LPP: variants seen among roughly 807,000 people sequenced by gnomAD.
LPP encodes LIM domain containing preferred translocation partner in lipoma, also known as lipoma-preferred partner.
In LPP, 38 loss-of-function variants were observed where a neutral mutation model predicts 60.4. That is an observed-to-expected ratio of 0.63 (90% CI 0.49 to 0.83). The LOEUF is 0.83. LPP is among the 40% of genes least tolerant of loss of function. The probability of loss-of-function intolerance (pLI) is 0.00; values close to 1 mark genes in which losing one functional copy is unlikely to be tolerated. For missense variants in LPP, 902 were observed against 783.6 expected (o/e 1.15, Z -1.80); for synonymous variants, 328 against 290.8 (o/e 1.13, Z -1.30).
intron 1 of LPP, among the ~76,000 whole-genome samples, chr3:188,161,343 G>A (rs759552368): frequency 2.6e-5 from 4 of 152,144 alleles, no homozygotes; most frequent in African/African-American, 4.8e-5. Flanking sequence ...AGCAGCGTAC[G>A]GAGGGAAAAA....
At chr3:188,580,242 TAA>T (rs796671194) in intron 6 of LPP, among the ~76,000 whole-genome samples, 4 of 146,576 alleles carry the variant, frequency 2.7e-5, no homozygotes, top group African/African-American at 9.9e-5. Flanking sequence ...GTTTCTCAAT[TAA>T]AAAAAAAAAC....
chr3:188,723,978 TA>T (rs1560116941), intron 8 of LPP, among the ~76,000 whole-genome samples: 1 of 152,190 alleles, frequency 6.6e-6, no homozygotes, highest in Non-Finnish European at 1.5e-5. Flanking sequence ...ATGATTTTTT[TA>T]AATATCTTTG....
chr3:188,757,516 C>T (rs1730666254), intron 8 of LPP, among the ~76,000 whole-genome samples: 1 of 152,172 alleles, frequency 6.6e-6, no homozygotes, highest in East Asian at 1.9e-4. Flanking sequence ...CTTTTAGCTG[C>T]TTAGTAGACT....
intron 2 of LPP, among the ~76,000 whole-genome samples, chr3:188,232,853 G>A (rs1017901304): frequency 1.3e-5 from 2 of 152,120 alleles, no homozygotes; most frequent in African/African-American, 2.4e-5. Flanking sequence ...AAGCCATGGA[G>A]TGAAGAGTGC....
At chr3:188,455,189 T>A (rs1476277336) in intron 4 of LPP, among the ~76,000 whole-genome samples, 1 of 151,980 alleles carries the variant, frequency 6.6e-6, no homozygotes, top group Non-Finnish European at 1.5e-5. Context: ...AGAGAAAAAA[T>A]TTTTAGCTGA....
At chr3:188,283,042 A>G (rs567991944) in intron 2 of LPP, among the ~76,000 whole-genome samples, 2 of 152,216 alleles carry the variant, frequency 1.3e-5, no homozygotes, top group South Asian at 4.2e-4. Context: ...GCCCCTGGGA[A>G]CTTGGTTTTG....
intron 9 of LPP, among the ~76,000 whole-genome samples, chr3:188,835,914 G>A (rs1287908056): frequency 6.6e-6 from 1 of 152,188 alleles, no homozygotes; most frequent in African/African-American, 2.4e-5. Flanking sequence ...CATTATAATT[G>A]TCTCAGATGT....
intron 4 of LPP, among the ~76,000 whole-genome samples, chr3:188,427,811 T>G (rs550801663): frequency 3.9e-5 from 6 of 152,226 alleles, no homozygotes; most frequent in Admixed American, 3.9e-4. Flanking sequence ...GTGCTGGCAG[T>G]GAGAATCTCA....
chr3:188,458,342 TG>T (rs1433756995), intron 4 of LPP, among the ~76,000 whole-genome samples: 5 of 152,244 alleles, frequency 3.3e-5, no homozygotes, highest in Non-Finnish European at 7.3e-5. Context: ...AAGAGTTGTC[TG>T]CATTTTTATA....
intron 8 of LPP, among the ~76,000 whole-genome samples, chr3:188,739,164 G>T (rs1271981153): frequency 1.3e-5 from 2 of 152,048 alleles, no homozygotes; most frequent in Non-Finnish European, 2.9e-5. Flanking sequence ...TGTATGCTTT[G>T]GGGGGTATAC....
intron 6 of LPP, among the ~76,000 whole-genome samples, chr3:188,564,231 C>G (rs1560570731): frequency 6.6e-6 from 1 of 151,982 alleles, no homozygotes; most frequent in South Asian, 2.1e-4. Context: ...ATGCCATACT[C>G]CTTCTTTCCA....
At chr3:188,860,924 A>G (rs1765052450) in intron 9 of LPP, among the ~76,000 whole-genome samples, 1 of 152,148 alleles carries the variant, frequency 6.6e-6, no homozygotes, top group Admixed American at 6.5e-5. Flanking sequence ...ATTCCATATA[A>G]TGTGATGTAG....
chr3:188,574,864 C>A (rs983913318), intron 6 of LPP, among the ~76,000 whole-genome samples: 7 of 151,970 alleles, frequency 4.6e-5, no homozygotes, highest in Non-Finnish European at 7.4e-5. Context: ...ATTAAAGACC[C>A]CTTCAAACTG....
chr3:188,724,037 A>G (rs1474217381), intron 8 of LPP, among the ~76,000 whole-genome samples: 3 of 152,094 alleles, frequency 2.0e-5, no homozygotes, highest in Non-Finnish European at 4.4e-5. Context: ...CTCTAGTCTG[A>G]TTTGATCCTA....
intron 4 of LPP, among the ~76,000 whole-genome samples, chr3:188,436,704 G>C (rs1375711729): frequency 1.3e-5 from 2 of 152,140 alleles, no homozygotes; most frequent in African/African-American, 4.8e-5. Flanking sequence ...AAATAATTAG[G>C]TGTATAGTGG....
At position 188,222,918 on chromosome 3, in the gene LPP, T is replaced by TA. The variant is rs539689238; in HGVS notation, c.-189-2479dup. 3.6e-3 allele frequency among the ~76,000 whole-genome samples: 548 copies of TA among 152,118 alleles called. 2 individuals carry two copies. Among genetic ancestry groups the TA allele is most frequent in the African/African-American group, 0.013 (525 of 41,504 alleles). On this transcript the variant is annotated intron_variant, in intron 1 of 11. Transcript: ENST00000617246. Reference sequence around the variant, plus strand: ...ATTTGAAGAGGGCTTTATATTTTCTTAAAAAAAATACAGGTGGAAAATCAA... The same window carrying TA: ...ATTTGAAGAGGGCTTTATATTTTCTTAAAAAAAAATACAGGTGGAAAATCAA...
At chr3:188,493,111 A>G (rs1222856596) in intron 5 of LPP, among the ~76,000 whole-genome samples, 1 of 152,086 alleles carries the variant, frequency 6.6e-6, no homozygotes, top group Non-Finnish European at 1.5e-5. Context: ...GGAAGGCTAC[A>G]TGCTTGATGT....
At chr3:188,760,643 C>T (rs530087547) in intron 9 of LPP, among the ~76,000 whole-genome samples, 2 of 152,204 alleles carry the variant, frequency 1.3e-5, no homozygotes, top group East Asian at 1.9e-4. Context: ...CTGAGTCACA[C>T]CTCTTATAAG....
At chr3:188,669,108 G>A (rs1042329673) in intron 7 of LPP, among the ~76,000 whole-genome samples, 29 of 152,132 alleles carry the variant, frequency 1.9e-4, no homozygotes, top group African/African-American at 4.8e-5. Flanking sequence ...AATTGAGAAG[G>A]GAAGTGAGTG....
Sources: gnomAD v4.1 joint callset for allele counts (sites outside exome capture counted in the v4.1 genomes callset) on GRCh38, gnomAD v4.1.1 for gene constraint, MANE v1.5 for transcripts, NCBI Gene and HGNC (gene_info 2026-07-23, HGNC 2026-07-21) for gene names.